The following MICAL2 variants were observed in gnomAD, a reference collection of about 807,000 sequenced individuals.
MICAL2 encodes the protein [F-actin]-monooxygenase MICAL2.
MICAL2 carries 77 observed loss-of-function variants against 127.3 expected under a neutral mutation model. That is an observed-to-expected ratio of 0.60 (90% CI 0.50 to 0.73). MICAL2 has a LOEUF of 0.73. Ranked by LOEUF, MICAL2 falls within the 30% of genes least tolerant of loss-of-function variation. The pLI, the probability that MICAL2 is intolerant of heterozygous loss-of-function variation, is 0.00. For missense variants in MICAL2, 1,351 were observed against 1,434.4 expected (o/e 0.94, Z 0.94); for synonymous variants, 570 against 551.1 (o/e 1.03, Z -0.48).
intron 2 of MICAL2, among the ~76,000 whole-genome samples, chr11:12,284,093 G>A (rs546110378): frequency 6.6e-6 from 1 of 152,290 alleles, no homozygotes; most frequent in South Asian, 2.1e-4. Context: ...TGAATTCATT[G>A]TGAAATCCAC....
At chr11:12,235,761 A>T (rs914370428) in intron 15 of MICAL2, among the ~76,000 whole-genome samples, 1 of 152,188 alleles carries the variant, frequency 6.6e-6, no homozygotes, top group African/African-American at 2.4e-5. Flanking sequence ...ATGAGGCAGC[A>T]CACTGAAAGC....
At chr11:12,345,131 A>AG (rs1555024427) in intron 32 of MICAL2, among the ~76,000 whole-genome samples, 36 of 151,020 alleles carry the variant, frequency 2.4e-4, no homozygotes, top group African/African-American at 8.4e-4. Flanking sequence ...AAAAAAAGAA[A>AG]AAAGAAAGAA....
intron 29 of MICAL2, among the ~76,000 whole-genome samples, chr11:12,299,692 A>T (rs184659862): frequency 6.6e-6 from 1 of 152,218 alleles, no homozygotes; most frequent in Non-Finnish European, 1.5e-5. Flanking sequence ...TTACATACAT[A>T]CAGTAACATC....
intron 29 of MICAL2, among the ~76,000 whole-genome samples, chr11:12,300,328 G>A (rs1249578127): frequency 6.6e-6 from 1 of 152,118 alleles, no homozygotes; most frequent in Non-Finnish European, 1.5e-5. Context: ...GGAATACGGT[G>A]GGAACATAAA....
chr11:12,323,952 AT>A (rs759079614), intron 30 of MICAL2: 35 of 1,587,162 alleles, frequency 2.2e-5, no homozygotes, highest in Non-Finnish European at 2.8e-5. Context: ...CTCTGACATA[AT>A]TTTTTTCTCC....
At chr11:12,223,630 G>A (rs1857078899) in intron 12 of MICAL2, 129 bp downstream of exon 12, 1 of 745,664 alleles carries the variant, frequency 1.3e-6, no homozygotes. Flanking sequence ...GTGTGGTCAT[G>A]GGCAGGCACC....
intron 3 of MICAL2, among the ~76,000 whole-genome samples, chr11:12,184,020 T>C (rs1002753823): frequency 1.3e-5 from 2 of 152,174 alleles, no homozygotes; most frequent in African/African-American, 2.4e-5. Flanking sequence ...GCTCAAGTGA[T>C]CCACTCGCCT....
At chr11:12,271,474 G>A (rs529525788), upstream of MICAL2, among the ~76,000 whole-genome samples, 23 of 152,260 alleles carry the variant, frequency 1.5e-4, no homozygotes, top group East Asian at 1.5e-3. Flanking sequence ...GCCCAGCTGC[G>A]GTGATACCCA....
At chr11:12,333,822 G>A (rs1938694767) in intron 32 of MICAL2, among the ~76,000 whole-genome samples, 1 of 152,034 alleles carries the variant, frequency 6.6e-6, no homozygotes, top group African/African-American at 2.4e-5. Flanking sequence ...CAAAAAACAT[G>A]TACTATCTTA....
intron 32 of MICAL2, among the ~76,000 whole-genome samples, chr11:12,327,702 A>C (rs1461149246): frequency 1.3e-5 from 2 of 150,776 alleles, no homozygotes; most frequent in African/African-American, 2.5e-5. Flanking sequence ...ACCTTGGGCC[A>C]GTCACATTAT....
At chr11:12,237,812 T>A (rs191215627) in intron 16 of MICAL2, among the ~76,000 whole-genome samples, 5 of 152,368 alleles carry the variant, frequency 3.3e-5, no homozygotes, top group Non-Finnish European at 7.3e-5. Flanking sequence ...ACCCCAGACC[T>A]ACAGAAAGCA....
chr11:12,361,243 G>A (rs1312024317), downstream of MICAL2, among the ~76,000 whole-genome samples: 1 of 152,136 alleles, frequency 6.6e-6, no homozygotes, highest in African/African-American at 2.4e-5. Context: ...GGGCCAAGAG[G>A]ACATTTCTTA....
chr11:12,196,748 T>A (rs1859985307), intron 3 of MICAL2, among the ~76,000 whole-genome samples: 1 of 152,092 alleles, frequency 6.6e-6, no homozygotes, highest in South Asian at 2.1e-4. Flanking sequence ...AGGAATAAAG[T>A]CCAAACTCTT....
chr11:12,138,514 T>G (rs1189611320), intron 2 of MICAL2, 54 bp downstream of exon 2: 1 of 152,252 alleles, frequency 6.6e-6, no homozygotes. Context: ...TCCTGGGGGC[T>G]GGTCCTAGGC....
intron 2 of MICAL2, among the ~76,000 whole-genome samples, chr11:12,139,000 G>A (rs1020980603): frequency 2.0e-5 from 3 of 152,148 alleles, no homozygotes. Context: ...GCTAATAAGT[G>A]CCCAGGACTC....
At chr11:12,320,738 G>C (rs75482889) in intron 30 of MICAL2, among the ~76,000 whole-genome samples, 3,388 of 152,084 alleles carry the variant, frequency 0.022, 74 homozygotes, top group East Asian at 0.12. Flanking sequence ...AGTCACTCTG[G>C]GGTTCCAACT....
rs566758986 is a variant in MICAL2, at chr11:12,144,176, G to A, written c.-78+5716G>A. Reference sequence around the variant, plus strand: ...CAACAGTCCCTATCTGCTGCCCGTGGGTTTTGTATCTTTATGAGAAAAGAA... The same window carrying A: ...CAACAGTCCCTATCTGCTGCCCGTGAGTTTTGTATCTTTATGAGAAAAGAA... On this transcript the variant is annotated intron_variant, in intron 2 of 27. Coordinates refer to ENST00000683283, the MANE Select transcript of MICAL2 (RefSeq NM_001282663.2). 3.3e-5 allele frequency among the ~76,000 whole-genome samples: 5 copies of A among 152,246 alleles called. No homozygotes were observed. The East Asian group carries it at 7.7e-4, about 23-fold the overall frequency.
intron 3 of MICAL2, among the ~76,000 whole-genome samples, chr11:12,184,221 C>T (rs927548004): frequency 2.6e-5 from 4 of 152,292 alleles, no homozygotes; most frequent in Admixed American, 6.5e-5. Flanking sequence ...GAACAGTGGC[C>T]GGCATAGAGG....
rs533421686 is a variant in MICAL2, at chr11:12,255,838, G to A, written c.2955+88G>A. ...CATGGGATGTCGAGAGGATGCCCTG[G>A]CCCTCCCGAGGCTCCTCTTCTCTTG... is the stretch of plus-strand genomic sequence containing the variant. On this transcript the variant is annotated intron_variant, in intron 23 of 27. Coordinates refer to ENST00000683283, the MANE Select transcript of MICAL2 (RefSeq NM_001282663.2). The A allele has an allele frequency of 7.9e-6, 8 of 1,006,544 alleles. No homozygotes were observed. The South Asian group carries it at 1.2e-4, about 15-fold the overall frequency. The allele number at this position is 1,006,544 out of a possible 1,614,324, so 62.4% of individuals were successfully genotyped here.
Sources: gnomAD v4.1 joint callset for allele counts (sites outside exome capture counted in the v4.1 genomes callset) on GRCh38, gnomAD v4.1.1 for gene constraint, MANE v1.5 for transcripts, NCBI Gene and HGNC (gene_info 2026-07-23, HGNC 2026-07-21) for gene names.